The following CCT2 variants were observed in gnomAD, a reference collection of about 807,000 sequenced individuals.
CCT2 encodes chaperonin containing TCP1 subunit 2, also known as T-complex protein 1 subunit beta.
A neutral mutation model predicts 61.8 loss-of-function variants in CCT2; 18 were observed. The observed-to-expected ratio is 0.29, with a 90% CI of 0.20 to 0.43. The LOEUF is 0.43. Among genes scored for constraint, CCT2 ranks in the 20% least tolerant of loss-of-function variants. The pLI, the probability that CCT2 is intolerant of heterozygous loss-of-function variation, is 1.00. For missense variants in CCT2, 556 were observed against 656.9 expected, an observed-to-expected ratio of 0.85 and a Z score of 1.68; for synonymous variants, 248 against 215.9, an observed-to-expected ratio of 1.15 and a Z score of -1.30.
chr12:69,595,491 C>T (rs1023544846), intron 10 of CCT2, among the ~76,000 whole-genome samples: 6 of 152,010 alleles, frequency 3.9e-5, no homozygotes, highest in Admixed American at 6.6e-5. Context: ...AGTTTGAGAC[C>T]AGCCTGGTCA....
At chr12:69,586,625 G>A (rs1203187357) in intron 2 of CCT2, 128 bp from the exon 3 acceptor site, 8 of 710,088 alleles carry the variant, frequency 1.1e-5, no homozygotes, top group East Asian at 1.0e-4. Context: ...CTGAGATCGC[G>A]CCATTGCACT....
intron 6 of CCT2, among the ~76,000 whole-genome samples, chr12:69,588,931 T>C (rs1399311013): frequency 6.6e-6 from 1 of 152,250 alleles, no homozygotes; most frequent in Non-Finnish European, 1.5e-5. Flanking sequence ...CTTTTATTTA[T>C]TTATTTATTT....
intron 7 of CCT2, 36 bp downstream of exon 7, chr12:69,589,723 A>G (rs1881777570): frequency 6.6e-7 from 1 of 1,505,542 alleles, no homozygotes. Context: ...AGCTTTGATT[A>G]GATGCTGAGG....
intron 4 of CCT2, 25 bp from the exon 5 acceptor site, chr12:69,587,905 G>A (rs1243048851): frequency 1.3e-6 from 2 of 1,560,864 alleles, no homozygotes; most frequent in Admixed American, 1.7e-5. Flanking sequence ...GCAATTTTGA[G>A]TTAATAACTA....
chr12:69,593,041 G>T lies in CCT2; in HGVS notation c.816G>T (p.Lys272Asn), dbSNP rs749254276. ...AKVAEIEHAE[K>N]EKMKEKVERI... ...TTGCAGAAATAGAACATGCGGAAAAGGAAAAAATGAAGGAGAAAGTTGAAC... is the reference window on the plus strand; with the variant it reads ...TTGCAGAAATAGAACATGCGGAAAATGAAAAAATGAAGGAGAAAGTTGAAC... The change falls in exon 9 of 16, where the codon AAG (lysine) becomes AAT (asparagine). Residue 272 changes from lysine (K) to asparagine (N), a missense_variant. By Grantham distance (94) the Lys-to-Asn change is moderately conservative (BLOSUM62 0). Coordinates refer to ENST00000299300, the MANE Select transcript of CCT2 (RefSeq NM_006431.3). 4 of 1,613,176 alleles carry T rather than the reference G, an allele frequency of 2.5e-6. No homozygotes were observed. Among genetic ancestry groups the T allele is most frequent in the Non-Finnish European group, 3.4e-6 (4 of 1,179,418 alleles).
At chr12:69,598,509 C>G in intron 14 of CCT2, 88 bp downstream of exon 14, 1 of 730,516 alleles carries the variant, frequency 1.4e-6, no homozygotes, top group Non-Finnish European at 2.2e-6. Flanking sequence ...TAAAGAGTTA[C>G]AATAACCGTA....
rs768114252 is a variant in CCT2, at chr12:69,598,338, C to T, written c.1352C>T (p.Ala451Val). 1.3e-6 allele frequency: 2 copies of T among 1,589,412 alleles called. No individual in the cohort carries two copies. Among genetic ancestry groups the T allele is most frequent in the African/African-American group, 1.4e-5 (1 of 73,840 alleles). ...KALRMLPTII[A>V]DNAGYDSADL... ...TTTTCATAGTTGCCAACCATCATAG[C>T]TGACAATGCAGGCTATGACAGTGCA... The change falls in exon 14 of 16, where the codon GCT becomes GTT. Residue 451 changes from alanine (A) to valine (V), a missense_variant. Around this residue, in one of 3 missense-constraint regions of CCT2, gnomAD observed 225 missense variants for 249.8 expected, o/e 0.90. Transcript: ENST00000299300.
intron 15 of CCT2, among the ~76,000 whole-genome samples, chr12:69,600,747 T>C (rs1292199542): frequency 6.6e-6 from 1 of 152,236 alleles, no homozygotes; most frequent in Non-Finnish European, 1.5e-5. Context: ...TTAAGCTTCT[T>C]CAGCTTCTCG....
chr12:69,594,027 T>C (rs1881913619), intron 10 of CCT2, among the ~76,000 whole-genome samples: 1 of 151,834 alleles, frequency 6.6e-6, no homozygotes, highest in East Asian at 1.9e-4. Context: ...TCCTAGCCAC[T>C]TGGGGGGAGG....
chr12:69,597,280 G>T lies in CCT2; in HGVS notation c.1102+5G>T. 1 of 1,613,756 alleles carries T rather than the reference G, an allele frequency of 6.2e-7. No homozygotes were observed. On this transcript the variant is annotated splice_donor_5th_base_variant and intron_variant, in intron 11 of 15. Coordinates refer to ENST00000299300, the MANE Select transcript of CCT2 (RefSeq NM_006431.3). The stretch of plus-strand genomic sequence containing the variant: ...ACTTTTCTGGGGTTGCCCTTGGTGA[G>T]TGATTATGTAGATCCTGGTTAGGGT...
chr12:69,587,013 CTGT>C (rs1414642360), intron 3 of CCT2, 195 bp downstream of exon 3: 1 of 461,812 alleles, frequency 2.2e-6, no homozygotes, highest in Non-Finnish European at 3.8e-6. Context: ...ATGACAAGTA[CTGT>C]TATCATTTGC....
rs1565800315 is a variant in CCT2, at chr12:69,592,972, T to C, written c.751-4T>C. 6.2e-7 allele frequency: 1 copy of C among 1,612,014 alleles called. No homozygotes were observed. The highest frequency in any genetic ancestry group is 1.7e-5 in the Admixed American group (1 of 59,460). ...ATGCTCTCTTTATGCTTCGTTTGTC[T>C]TAGATATTTGGTTCCCGGGTAAGAG... On this transcript the variant is annotated splice_polypyrimidine_tract_variant and splice_region_variant and intron_variant, in intron 8 of 15. Coordinates refer to ENST00000299300, the MANE Select transcript of CCT2 (RefSeq NM_006431.3).
chr12:69,594,779 A>G (rs552734555), intron 10 of CCT2, among the ~76,000 whole-genome samples: 1 of 151,952 alleles, frequency 6.6e-6, no homozygotes, highest in East Asian at 1.9e-4. Flanking sequence ...CCAGGAGTCC[A>G]AGGCTACAGT....
chr12:69,585,749 A>G (rs1593092925), intron 1 of CCT2: 2 of 1,441,888 alleles, frequency 1.4e-6, no homozygotes, highest in Non-Finnish European at 1.8e-6. Context: ...CCTTGTGCCT[A>G]GGTCTTTGCA....
intron 14 of CCT2, among the ~76,000 whole-genome samples, chr12:69,599,538 C>A (rs1882088668): frequency 6.6e-6 from 1 of 152,030 alleles, no homozygotes; most frequent in African/African-American, 2.4e-5. Flanking sequence ...CAGGTGCCCA[C>A]CACCATGCCC....
At position 69,593,974 on chromosome 12, in the gene CCT2, C is replaced by CA. The variant is rs35400521; in HGVS notation, c.982+373dup. Among the ~76,000 whole-genome samples, 4,687 of 142,280 alleles carry CA rather than the reference C, an allele frequency of 0.033. 393 individuals carry two copies. In the East Asian group the frequency reaches 0.38, roughly 11 times the overall value. The allele number at this position is 142,280 out of a possible 152,430, so 93.3% of individuals were successfully genotyped here. A position where few individuals can be genotyped will look rare whatever the true frequency, so the allele number is the denominator to read the frequency against. On this transcript the variant is annotated intron_variant, in intron 10 of 15. Transcript: ENST00000299300. ...GCAACATTGCGAACCCACATCCCTA[C>CA]AAAAAAAAAAAATTGGCCAGGTGTG...
rs114228489 is a variant in CCT2, at chr12:69,589,505, G to A, written c.467G>A (p.Arg156His). 173 of 1,613,876 alleles carry A rather than the reference G, an allele frequency of 1.1e-4. No homozygotes were observed. In the African/African-American group the frequency reaches 1.8e-3, roughly 17 times the overall value. ...TTTAGTTCCGATGAAGTTAAATTCC[G>A]TCAAGATTTAATGAATATTGCGGGC... ...VDHGSDEVKFRQDLMNIAGTT... is the reference protein window; with the variant it reads ...VDHGSDEVKFHQDLMNIAGTT... Residue 156 changes from arginine (R) to histidine (H), a missense_variant, in exon 7 of 16, where the codon CGT (arginine) becomes CAT (histidine). Around this residue, in one of 3 missense-constraint regions of CCT2, gnomAD observed 308 missense variants for 350.6 expected, o/e 0.88. Coordinates refer to ENST00000299300, the MANE Select transcript of CCT2 (RefSeq NM_006431.3).
chr12:69,593,264 TAC>T (rs916130143), intron 9 of CCT2, among the ~76,000 whole-genome samples, 161 bp downstream of exon 9: 1 of 152,226 alleles, frequency 6.6e-6, no homozygotes, highest in African/African-American at 2.4e-5. Context: ...TATGCACACT[TAC>T]AGTGACCAGA....
intron 7 of CCT2, among the ~76,000 whole-genome samples, chr12:69,590,715 A>AT (rs1490707249): frequency 9.1e-6 from 1 of 109,938 alleles, no homozygotes; most frequent in Non-Finnish European, 1.8e-5. Context: ...GCTGTGTAGC[A>AT]TTTCTTTTTT....
Sources: gnomAD v4.1 joint callset for allele counts (sites outside exome capture counted in the v4.1 genomes callset) on GRCh38, gnomAD v4.1.1 for gene constraint, gnomAD v4.1.1 regional missense constraint, MANE v1.5 for transcripts, NCBI Gene and HGNC (gene_info 2026-07-23, HGNC 2026-07-21) for gene names.